Variants in PPARD observed in about 807,000 individuals in gnomAD.
The protein encoded by PPARD is peroxisome proliferator-activated receptor delta.
In PPARD, 6 loss-of-function variants were observed where a neutral mutation model predicts 39.5. The ratio of observed to expected loss-of-function variants is 0.15; its 90% CI spans 0.08 to 0.30. The LOEUF (loss-of-function observed/expected upper bound fraction) is 0.30. Ranked by LOEUF, PPARD falls within the 10% of genes least tolerant of loss-of-function variation. PPARD has a pLI of 1.00. For missense variants in PPARD, 397 were observed against 596.8 expected, an observed-to-expected ratio of 0.67 and a Z score of 3.49; for synonymous variants, 210 against 231.3, an observed-to-expected ratio of 0.91 and a Z score of 0.83.
chr6:35,408,761 T>C (rs1436322293), intron 2 of PPARD, among the ~76,000 whole-genome samples: 1 of 152,244 alleles, frequency 6.6e-6, no homozygotes, highest in East Asian at 1.9e-4. Context: ...TAAAGGTTTT[T>C]TCGTTCTAAC....
chr6:35,396,183 T>G (rs1352580493), intron 2 of PPARD, among the ~76,000 whole-genome samples: 1 of 151,846 alleles, frequency 6.6e-6, no homozygotes, highest in African/African-American at 2.4e-5. Context: ...TCTTTGAAAC[T>G]CTTAAGTATT....
chr6:35,426,658 G>A lies in PPARD; in HGVS notation c.*579G>A, dbSNP rs1320102992. On this transcript the variant is annotated 3_prime_UTR_variant, in exon 8 of 8. Transcript: ENST00000360694. Reference sequence around the variant, plus strand: ...GGGAAGGCTAAGCATGGCCTGGACTGACTGCAGCCCCCTATAGTCATGGGG... The same window carrying A: ...GGGAAGGCTAAGCATGGCCTGGACTAACTGCAGCCCCCTATAGTCATGGGG... 3 of 159,070 alleles carry A rather than the reference G, an allele frequency of 1.9e-5. No individual in the cohort carries two copies. The highest frequency in any genetic ancestry group is 4.2e-5 in the Non-Finnish European group (3 of 72,250). The allele number at this position is 159,070 out of a possible 1,614,324, so 9.9% of individuals were successfully genotyped here. A position where few individuals can be genotyped will look rare whatever the true frequency, so the allele number is the denominator to read the frequency against.
chr6:35,363,325 C>A lies in PPARD; in HGVS notation c.-102+16175C>A, dbSNP rs981837396. On this transcript the variant is annotated intron_variant, in intron 2 of 7. Transcript: ENST00000360694. This position sits in a 1 kb window ranked among gnomAD's most constrained non-coding sequence, Gnocchi z 4.5. ...TCCATAGGCTGTGCGTTCCTGTGGG[C>A]CTGCCTGGATCATATCTGTTCTGCT... Among the ~76,000 whole-genome samples the A allele has an allele frequency of 2.6e-5, 4 of 152,150 alleles. No homozygotes were observed. The highest frequency in any genetic ancestry group is 4.4e-5 in the Non-Finnish European group (3 of 68,040).
At chr6:35,349,696 T>A (rs1005982501) in intron 2 of PPARD, among the ~76,000 whole-genome samples, 8 of 151,926 alleles carry the variant, frequency 5.3e-5, no homozygotes, top group Admixed American at 3.9e-4. Flanking sequence ...TGTTTTTTTT[T>A]AATTTAATGG....
At chr6:35,422,908 C>T (rs1284313678) in intron 5 of PPARD, among the ~76,000 whole-genome samples, 1 of 151,850 alleles carries the variant, frequency 6.6e-6, no homozygotes, top group Admixed American at 6.6e-5. Flanking sequence ...AAGTATTAGC[C>T]TCATTTTTCT....
intron 2 of PPARD, among the ~76,000 whole-genome samples, chr6:35,374,756 C>G (rs1762709917): frequency 6.6e-6 from 1 of 152,052 alleles, no homozygotes; most frequent in African/African-American, 2.4e-5. Flanking sequence ...TGAGGGGTCT[C>G]CAGAGCTCCT....
At chr6:35,402,973 A>T (rs1168635276) in intron 2 of PPARD, among the ~76,000 whole-genome samples, 2 of 152,196 alleles carry the variant, frequency 1.3e-5, no homozygotes, top group Non-Finnish European at 2.9e-5. Context: ...ATTCCGTTGC[A>T]GTATGGGAGG....
chr6:35,349,088 C>T (rs1203525978), intron 2 of PPARD: 4 of 904,780 alleles, frequency 4.4e-6, no homozygotes, highest in Non-Finnish European at 4.0e-6. Context: ...TGCAGTGGCG[C>T]GATCTAGGCT....
At position 35,352,427 on chromosome 6, in the gene PPARD, G is replaced by T. The variant is rs193185142; in HGVS notation, c.-102+5277G>T. Reference sequence around the variant, plus strand: ...TCTCGAACTCCTGACCTCATGATCTGCCCACCTCAGCCTCCCAGAGTGCTG... The same window carrying T: ...TCTCGAACTCCTGACCTCATGATCTTCCCACCTCAGCCTCCCAGAGTGCTG... On this transcript the variant is annotated intron_variant, in intron 2 of 7. Transcript: ENST00000360694. Among the ~76,000 whole-genome samples, 1,122 of 151,538 alleles carry T rather than the reference G, an allele frequency of 7.4e-3. 12 individuals carry two copies. Among genetic ancestry groups the T allele is most frequent in the African/African-American group, 0.026 (1,072 of 41,314 alleles).
intron 2 of PPARD, among the ~76,000 whole-genome samples, chr6:35,384,452 C>A: frequency 9.4e-6 from 1 of 106,374 alleles, no homozygotes; most frequent in African/African-American, 5.0e-5. Context: ...GTCAGCCCCC[C>A]GCCCGGCCAG....
intron 2 of PPARD, among the ~76,000 whole-genome samples, chr6:35,390,619 C>T (rs1763952156): frequency 6.6e-6 from 1 of 150,630 alleles, no homozygotes; most frequent in South Asian, 2.1e-4. Flanking sequence ...AAGGAGTGGT[C>T]ATAATAATAA....
rs1166499750 is a variant in PPARD, at chr6:35,355,598, CTTTTTTTTT to C, written c.-102+8471_-102+8479del. ...AAAAAAGTGCTTTCTTCTTCTTCTT[CTTTTTTTTT>C]TTTTTTTTTTTTTTTTTTTTTTGAG... is the stretch of plus-strand genomic sequence containing the variant. On this transcript the variant is annotated intron_variant, in intron 2 of 7. Transcript: ENST00000360694. Among the ~76,000 whole-genome samples, 13 of 33,464 alleles carry C rather than the reference CTTTTTTTTT, an allele frequency of 3.9e-4. No homozygotes were observed. The East Asian group carries it at 9.5e-3, about 24-fold the overall frequency. The allele number at this position is 33,464 out of a possible 152,430, so 22.0% of individuals were successfully genotyped here.
intron 2 of PPARD, among the ~76,000 whole-genome samples, chr6:35,377,797 C>T (rs1283795907): frequency 2.6e-5 from 4 of 151,766 alleles, no homozygotes; most frequent in Non-Finnish European, 1.5e-5. Flanking sequence ...AGGAGAGCAG[C>T]CTTTACTCCT....
rs1562198740 is a variant in PPARD, at chr6:35,389,394, C to T, written c.-101-21593C>T. 2.0e-5 allele frequency among the ~76,000 whole-genome samples: 3 copies of T among 152,244 alleles called. No individual in the cohort carries two copies. In the South Asian group the frequency reaches 6.2e-4, roughly 32 times the overall value. On this transcript the variant is annotated intron_variant, in intron 2 of 7. Transcript: ENST00000360694. ...TAGCACTATCTCGGCTCACTGCAAC[C>T]TCCACCTCCTGGCTTCAGGCAATTC... is the stretch of plus-strand genomic sequence containing the variant.
intron 2 of PPARD, among the ~76,000 whole-genome samples, chr6:35,382,145 C>T (rs1355955523): frequency 6.6e-6 from 1 of 152,166 alleles, no homozygotes; most frequent in Non-Finnish European, 1.5e-5. Flanking sequence ...CCTTAGGAAA[C>T]AGAAACAGTT....
In PPARD at chr6:35,411,112, C is replaced by T. The variant is rs962070703; in HGVS notation, c.25C>T (p.Pro9Ser). 1 of 1,570,170 alleles carries T rather than the reference C, an allele frequency of 6.4e-7. No individual in the cohort carries two copies. Among genetic ancestry groups the T allele is most frequent in the Non-Finnish European group, 8.6e-7 (1 of 1,156,660 alleles). ...CATGGAGCAGCCACAGGAGGAAGCCCCTGAGGTCCGGGAAGAGGAGGAGAA... is the reference window on the plus strand; with the variant it reads ...CATGGAGCAGCCACAGGAGGAAGCCTCTGAGGTCCGGGAAGAGGAGGAGAA... MEQPQEEA[P>S]EVREEEEKEE... The change falls in exon 3 of 8, where the codon CCT (proline) becomes TCT (serine). Residue 9 changes from proline to serine, a missense_variant. Coordinates refer to ENST00000360694, the MANE Select transcript of PPARD (RefSeq NM_006238.5).
At position 35,370,594 on chromosome 6, in the gene PPARD, C is replaced by G. The variant is rs1163431640; in HGVS notation, c.-102+23444C>G. Among the ~76,000 whole-genome samples the G allele has an allele frequency of 2.0e-5, 3 of 152,022 alleles. No homozygotes were observed. In the East Asian group the frequency reaches 5.8e-4, roughly 29 times the overall value. ...CGCTTCATGAGTCACCCACTGGCCA[C>G]AGTCCCTGCTCCTCTCCACACACTT... is the stretch of plus-strand genomic sequence containing the variant. On this transcript the variant is annotated intron_variant, in intron 2 of 7. Transcript: ENST00000360694.
At chr6:35,388,435 C>T (rs1330006247) in intron 2 of PPARD, among the ~76,000 whole-genome samples, 1 of 151,964 alleles carries the variant, frequency 6.6e-6, no homozygotes, top group Non-Finnish European at 1.5e-5. Flanking sequence ...GAGGGGAGGC[C>T]GGGTGTAGTG....
intron 2 of PPARD, among the ~76,000 whole-genome samples, chr6:35,369,231 A>G (rs768290609): frequency 2.7e-4 from 41 of 152,032 alleles, no homozygotes; most frequent in Non-Finnish European, 5.1e-4. Context: ...TCCCCTCATG[A>G]CCCTTCACAC....
Sources: gnomAD v4.1 joint callset for allele counts (sites outside exome capture counted in the v4.1 genomes callset) on GRCh38, gnomAD v4.1.1 for gene constraint, Gnocchi (gnomAD v3.1) non-coding constraint, MANE v1.5 for transcripts, NCBI Gene and HGNC (gene_info 2026-07-23, HGNC 2026-07-21) for gene names.